PRKN: variants seen among roughly 807,000 people sequenced by gnomAD.
PRKN encodes E3 ubiquitin-protein ligase parkin.
PRKN carries 56 observed loss-of-function variants against 59.5 expected under a neutral mutation model. The ratio of observed to expected loss-of-function variants is 0.94; its 90% CI spans 0.76 to 1.18. The LOEUF (loss-of-function observed/expected upper bound fraction) is 1.18, where lower values mean the gene tolerates loss of function less well. PRKN is among the 50% of genes most tolerant of loss of function. The pLI is 0.00. For missense variants in PRKN, 657 were observed against 596.4 expected (o/e 1.10, Z -1.06); for synonymous variants, 250 against 222.1 (o/e 1.13, Z -1.12).
At chr6:162,529,596 C>T (rs529077950) in intron 1 of PRKN, among the ~76,000 whole-genome samples, 22 of 152,282 alleles carry the variant, frequency 1.4e-4, no homozygotes, top group African/African-American at 4.8e-4. Flanking sequence ...CGAAAAGAAA[C>T]ATTTAATAGG....
intron 6 of PRKN, among the ~76,000 whole-genome samples, chr6:161,959,815 T>TTAAC (rs1355620832): frequency 6.6e-6 from 1 of 152,154 alleles, no homozygotes; most frequent in African/African-American, 2.4e-5. Flanking sequence ...TTCACAGAAA[T>TTAAC]TAACTTATTT....
intron 6 of PRKN, among the ~76,000 whole-genome samples, chr6:161,920,015 T>C (rs1778718671): frequency 6.6e-6 from 1 of 152,200 alleles, no homozygotes; most frequent in South Asian, 2.1e-4. Flanking sequence ...GCTACAAACC[T>C]AGACTGGATG....
chr6:162,681,816 C>G (rs979669672), intron 1 of PRKN, among the ~76,000 whole-genome samples: 1 of 152,052 alleles, frequency 6.6e-6, no homozygotes, highest in Admixed American at 6.6e-5. Flanking sequence ...CAAGAATATT[C>G]TCTATTTGGG....
intron 2 of PRKN, among the ~76,000 whole-genome samples, chr6:162,349,597 A>T (rs1336913624): frequency 2.0e-5 from 3 of 152,256 alleles, no homozygotes; most frequent in Admixed American, 2.0e-4. Context: ...CATTTTTCAC[A>T]AATGAAATTC....
intron 1 of PRKN, among the ~76,000 whole-genome samples, chr6:162,504,069 CAGAG>C (rs36042317): frequency 0.28 from 42,439 of 150,858 alleles, 6,772 homozygotes; most frequent in Middle Eastern, 0.37. Context: ...AGAGAGGACA[CAGAG>C]AGAGAGAGAG....
intron 2 of PRKN, among the ~76,000 whole-genome samples, chr6:162,348,335 G>A (rs958219230): frequency 5.9e-5 from 9 of 151,930 alleles, no homozygotes; most frequent in Admixed American, 1.3e-4. Context: ...AACTTAACTC[G>A]GTCCCAGAAC....
rs1177760239 is a variant in PRKN, at chr6:162,546,164, C to T, written c.8-102691G>A. ...TGTTGCTCAGGCTGGAGTGCAGTGGCGTGATCTCAGCTCACTGCAACCTCT... is the reference window on the plus strand; with the variant it reads ...TGTTGCTCAGGCTGGAGTGCAGTGGTGTGATCTCAGCTCACTGCAACCTCT... On this transcript the variant is annotated intron_variant, in intron 1 of 11. Coordinates refer to ENST00000366898, the MANE Select transcript of PRKN (RefSeq NM_004562.3). Among the ~76,000 whole-genome samples, 17 of 133,394 alleles carry T rather than the reference C, an allele frequency of 1.3e-4. 1 individual carries two copies. Among genetic ancestry groups the T allele is most frequent in the African/African-American group, 4.5e-4 (15 of 33,330 alleles). 87.5% of individuals were successfully genotyped at this position (133,394 alleles called of 152,430 possible).
chr6:162,023,784 G>A (rs1326121287), intron 5 of PRKN, among the ~76,000 whole-genome samples: 1 of 151,994 alleles, frequency 6.6e-6, no homozygotes, highest in Non-Finnish European at 1.5e-5. Flanking sequence ...CGTAGCCAGG[G>A]ACCACGCCCT....
chr6:162,348,723 G>A (rs1265324703), intron 2 of PRKN, among the ~76,000 whole-genome samples: 1 of 151,938 alleles, frequency 6.6e-6, no homozygotes, highest in Non-Finnish European at 1.5e-5. Flanking sequence ...TTAGATGCAA[G>A]GCCTTACAAA....
At chr6:162,305,127 G>T (rs6914943) in intron 2 of PRKN, among the ~76,000 whole-genome samples, 296 of 152,190 alleles carry the variant, frequency 1.9e-3, no homozygotes, top group Admixed American at 5.6e-3. Flanking sequence ...GGAAAGTGCT[G>T]CAGAAGGAAG....
chr6:162,500,379 C>T (rs902368123), intron 1 of PRKN, among the ~76,000 whole-genome samples: 1 of 151,164 alleles, frequency 6.6e-6, no homozygotes, highest in Non-Finnish European at 1.5e-5. Context: ...TACATGTTGG[C>T]CAGGCTGGTC....
At chr6:161,794,566 T>C (rs1487703976) in intron 6 of PRKN, among the ~76,000 whole-genome samples, 1 of 152,160 alleles carries the variant, frequency 6.6e-6, no homozygotes, top group Admixed American at 6.5e-5. Context: ...GCCCATGTAT[T>C]AAGGCCTCAG....
At chr6:162,143,524 T>G (rs1781877208) in intron 4 of PRKN, among the ~76,000 whole-genome samples, 1 of 152,182 alleles carries the variant, frequency 6.6e-6, no homozygotes, top group Admixed American at 6.5e-5. Flanking sequence ...AATGTACACT[T>G]CTGTCAGCTT....
chr6:161,644,441 T>C (rs1459197181), intron 7 of PRKN, among the ~76,000 whole-genome samples: 1 of 152,200 alleles, frequency 6.6e-6, no homozygotes, highest in African/African-American at 2.4e-5. Context: ...GAAAGTACAT[T>C]TGGATTCTGT....
At chr6:162,227,028 T>C (rs1031236992) in intron 3 of PRKN, among the ~76,000 whole-genome samples, 1 of 152,216 alleles carries the variant, frequency 6.6e-6, no homozygotes, top group African/African-American at 2.4e-5. Flanking sequence ...CTGGCTCTCC[T>C]GCAAATGCAC....
rs1781743597 is a variant in PRKN at position 161,592,013 on chromosome 6, A to G, written c.872-22597T>C. Among the ~76,000 whole-genome samples, 1 of 152,180 alleles carries G rather than the reference A, an allele frequency of 6.6e-6. No individual in the cohort carries two copies. Among genetic ancestry groups the G allele is most frequent in the African/African-American group, 2.4e-5 (1 of 41,440 alleles). ...TCAAGTCTCTGATATACAATGATGT[A>G]GTATTTCTATATAACCTATGCACAT... On this transcript the variant is annotated intron_variant, in intron 7 of 11. Coordinates refer to ENST00000366898, the MANE Select transcript of PRKN (RefSeq NM_004562.3). This position sits in a 1 kb window ranked among gnomAD's most constrained non-coding sequence, Gnocchi z 4.8.
intron 3 of PRKN, among the ~76,000 whole-genome samples, chr6:162,216,536 C>CAAAAAAA (rs35025497): frequency 3.1e-4 from 11 of 34,962 alleles, no homozygotes; most frequent in Middle Eastern, 0.024. Context: ...GACTCCGTCT[C>CAAAAAAA]AAAAAAAAAA....
intron 9 of PRKN, among the ~76,000 whole-genome samples, chr6:161,411,758 T>G (rs1787551161): frequency 7.0e-6 from 1 of 143,856 alleles, no homozygotes; most frequent in African/African-American, 2.5e-5. Context: ...CTCCATTCAC[T>G]CATTCCTTCA....
intron 4 of PRKN, 80 bp from the exon 5 acceptor site, chr6:162,054,254 A>G: frequency 1.1e-6 from 1 of 885,648 alleles, no homozygotes; most frequent in South Asian, 1.4e-5. Flanking sequence ...CACTTATGTT[A>G]TAAAATAATA....
Sources: gnomAD v4.1 joint callset for allele counts (sites outside exome capture counted in the v4.1 genomes callset) on GRCh38, gnomAD v4.1.1 for gene constraint, Gnocchi (gnomAD v3.1) non-coding constraint, MANE v1.5 for transcripts, NCBI Gene and HGNC (gene_info 2026-07-23, HGNC 2026-07-21) for gene names.